Variants in PIKFYVE observed in about 807,000 individuals in gnomAD.
PIKFYVE encodes 1-phosphatidylinositol 3-phosphate 5-kinase.
PIKFYVE carries 122 observed loss-of-function variants against 257.9 expected under a neutral mutation model. The observed-to-expected ratio is 0.47, with a 90% CI of 0.41 to 0.55. The LOEUF (loss-of-function observed/expected upper bound fraction) is 0.55. PIKFYVE is among the 20% of genes least tolerant of loss of function. The pLI is 0.00. For synonymous variants in PIKFYVE, 892 were observed against 868.9 expected (o/e 1.03, Z -0.47); for missense variants, 2,160 against 2,536.6 (o/e 0.85, Z 3.19).
intron 15 of PIKFYVE, among the ~76,000 whole-genome samples, chr2:208,315,938 A>G (rs1695462462): frequency 6.6e-6 from 1 of 150,404 alleles, no homozygotes; most frequent in South Asian, 2.1e-4. Context: ...GGTTAGTTAC[A>G]TATGTATACA....
At chr2:208,283,887 A>G (rs983062734) in intron 5 of PIKFYVE, among the ~76,000 whole-genome samples, 4 of 152,186 alleles carry the variant, frequency 2.6e-5, no homozygotes, top group African/African-American at 9.7e-5. Flanking sequence ...CCTGGCCTAC[A>G]TGCATAATTT....
chr2:208,289,467 C>T (rs1418205757), intron 7 of PIKFYVE, among the ~76,000 whole-genome samples: 1 of 152,006 alleles, frequency 6.6e-6, no homozygotes, highest in Non-Finnish European at 1.5e-5. Flanking sequence ...GTCTCACTCT[C>T]TCGCCAGGCT....
At position 208,352,649 on chromosome 2, in the gene PIKFYVE, A is replaced by G. The variant is rs772809781; in HGVS notation, c.5716-5A>G. ...AAGAATTTATTTTGACCTTCTCTTG[A>G]TTAGAGGCCCACGGCGTTGGCCAAA... On this transcript the variant is annotated splice_region_variant and splice_polypyrimidine_tract_variant and intron_variant, in intron 38 of 41. Transcript: ENST00000264380. The G allele has an allele frequency of 6.2e-7, 1 of 1,613,310 alleles. No individual in the cohort carries two copies. The highest frequency in any genetic ancestry group is 8.5e-7 in the Non-Finnish European group (1 of 1,179,574).
intron 14 of PIKFYVE, among the ~76,000 whole-genome samples, chr2:208,314,636 C>T (rs555736508): frequency 1.1e-4 from 17 of 152,154 alleles, no homozygotes; most frequent in Non-Finnish European, 2.1e-4. Flanking sequence ...CAGTGGCTCA[C>T]GCCTGTAATC....
At chr2:208,340,932 A>G (rs1156558592) in intron 31 of PIKFYVE, among the ~76,000 whole-genome samples, 3 of 152,118 alleles carry the variant, frequency 2.0e-5, no homozygotes, top group African/African-American at 7.2e-5. Flanking sequence ...ACCTGATTAT[A>G]TCAGTTTCTT....
intron 6 of PIKFYVE, among the ~76,000 whole-genome samples, chr2:208,287,489 G>C (rs1691736740): frequency 6.6e-6 from 1 of 151,928 alleles, no homozygotes; most frequent in South Asian, 2.1e-4. Flanking sequence ...GGCCAGGCTG[G>C]TCTTGAACTC....
At chr2:208,312,172 T>G in intron 12 of PIKFYVE, 64 bp from the exon 13 acceptor site, 2 of 1,170,802 alleles carry the variant, frequency 1.7e-6, no homozygotes, top group Non-Finnish European at 2.6e-6. Context: ...ATAATTATGC[T>G]GACATGTTAT....
intron 12 of PIKFYVE, among the ~76,000 whole-genome samples, chr2:208,306,051 T>G (rs1488982204): frequency 6.6e-6 from 1 of 152,246 alleles, no homozygotes; most frequent in African/African-American, 2.4e-5. Context: ...CTAAAATGAT[T>G]TGATACAAGT....
At chr2:208,283,207 A>C (rs1691068218) in intron 5 of PIKFYVE, among the ~76,000 whole-genome samples, 1 of 152,222 alleles carries the variant, frequency 6.6e-6, no homozygotes, top group African/African-American at 2.4e-5. Context: ...TAGTACATGG[A>C]AAGGGATCAA....
intron 1 of PIKFYVE, among the ~76,000 whole-genome samples, chr2:208,266,711 CTGA>C (rs1359340653): frequency 6.6e-6 from 1 of 152,204 alleles, no homozygotes; most frequent in African/African-American, 2.4e-5. Context: ...ACCCTTACGC[CTGA>C]ACTTAATTAG....
rs1222486533 is a variant in PIKFYVE, at chr2:208,325,552, A to T, written c.2741A>T (p.Asp914Val). 6.2e-7 allele frequency: 1 copy of T among 1,614,062 alleles called. No homozygotes were observed. Residue 914 changes from aspartate (D) to valine (V), a missense_variant, in exon 20 of 42, where the codon GAT becomes GTT. Around this residue, in one of 12 missense-constraint regions of PIKFYVE, gnomAD observed 522 missense variants for 514.6 expected, o/e 1.01. Coordinates refer to ENST00000264380, the MANE Select transcript of PIKFYVE (RefSeq NM_015040.4). ...TACGGTGGAGGTTCCATCCCCTGGG[A>T]TCCTGACATCCCTCCTGAGTCTCTG... ...EQYGGGSIPW[D>V]PDIPPESLPC...
chr2:208,333,795 T>A (rs950621545), intron 24 of PIKFYVE, among the ~76,000 whole-genome samples: 4 of 152,156 alleles, frequency 2.6e-5, no homozygotes, highest in Admixed American at 2.0e-4. Flanking sequence ...ACTCTTTTTT[T>A]AAAAAAAGTT....
Position 208,304,913 on chromosome 2 carries a change from C to T in PIKFYVE, c.1536C>T (p.Ala512=), listed in dbSNP as rs761365321. Residue 512 remains alanine (A), a synonymous_variant, in exon 12 of 42, where the codon GCC becomes GCT. Coordinates refer to ENST00000264380, the MANE Select transcript of PIKFYVE (RefSeq NM_015040.4). ...AGTCCACAGTGGACAGTGACTCAGC[C>T]GCTTCTATCAGCCTGAACGTGGAGC... ...SFQSTVDSDS[A]ASISLNVELD... is the part of the protein sequence containing the mutation. 2.3e-5 allele frequency: 37 copies of T among 1,614,016 alleles called. No homozygotes were observed. Among genetic ancestry groups the T allele is most frequent in the African/African-American group, 5.3e-5 (4 of 74,918 alleles).
chr2:208,358,044 A>G lies in PIKFYVE; in HGVS notation c.*2739A>G, dbSNP rs1208320222. 2.0e-5 allele frequency: 3 copies of G among 152,244 alleles called. No homozygotes were observed. Among genetic ancestry groups the G allele is most frequent in the East Asian group, 1.9e-4 (1 of 5,202 alleles). The allele number at this position is 152,244 out of a possible 1,614,324, so 9.4% of individuals were successfully genotyped here. A position where few individuals can be genotyped will look rare whatever the true frequency, so the allele number is the denominator to read the frequency against. On this transcript the variant is annotated 3_prime_UTR_variant, in exon 42 of 42. Transcript: ENST00000264380. The stretch of plus-strand genomic sequence containing the variant: ...TGCAAGCTCTTTTGTAGTCTATTGA[A>G]TATTTTATAGATATTCAAAATTTCC...
At position 208,330,730 on chromosome 2, in the gene PIKFYVE, T is replaced by G. The variant is rs768212355; in HGVS notation, c.3963+36T>G. ...CCTATTACTATATTTTGTTTGCCATTTATTTCTTTATTTGTATGTTTTTTT... is the reference window on the plus strand; with the variant it reads ...CCTATTACTATATTTTGTTTGCCATGTATTTCTTTATTTGTATGTTTTTTT... On this transcript the variant is annotated intron_variant, in intron 23 of 41. Coordinates refer to ENST00000264380, the MANE Select transcript of PIKFYVE (RefSeq NM_015040.4). The G allele has an allele frequency of 1.9e-6, 3 of 1,575,606 alleles. No homozygotes were observed. In the African/African-American group the frequency reaches 4.3e-5, roughly 23 times the overall value.
At position 208,314,397 on chromosome 2, in the gene PIKFYVE, G is replaced by A. The variant is rs766485267; in HGVS notation, c.1800G>A (p.Gly600=). 4.6e-5 allele frequency: 75 copies of A among 1,613,768 alleles called. No individual in the cohort carries two copies. The highest frequency in any genetic ancestry group is 5.6e-5 in the Non-Finnish European group (66 of 1,179,918). The change falls in exon 14 of 42, where the codon GGG becomes GGA. Residue 600 remains glycine (G), a synonymous_variant. Transcript: ENST00000264380. The stretch of plus-strand genomic sequence containing the variant: ...TGGAGCTCCTGAGGGAGGAGAATGG[G>A]GAGAAACAAGCCATGGAGAGGTTGC... ...NNLELLREEN[G]EKQAMERLLS... is the part of the protein sequence containing the mutation.
chr2:208,305,572 CTTATT>C (rs1192206167), intron 12 of PIKFYVE: 1 of 685,300 alleles, frequency 1.5e-6, no homozygotes, highest in Non-Finnish European at 1.8e-6. Flanking sequence ...TTTTAGCTAT[CTTATT>C]TGATGCTTTA....
intron 6 of PIKFYVE, among the ~76,000 whole-genome samples, chr2:208,287,660 G>GC (rs1691760363): frequency 6.6e-6 from 1 of 152,068 alleles, no homozygotes; most frequent in South Asian, 2.1e-4. Context: ...GAGTGCAGTG[G>GC]CGTGATCTTG....
At chr2:208,267,602 G>A (rs1688826320) in intron 1 of PIKFYVE, among the ~76,000 whole-genome samples, 3 of 139,000 alleles carry the variant, frequency 2.2e-5, no homozygotes, top group African/African-American at 8.0e-5. Flanking sequence ...CGCCTCCCAG[G>A]GTTCAGGCGA....
Sources: gnomAD v4.1 joint callset for allele counts (sites outside exome capture counted in the v4.1 genomes callset) on GRCh38, gnomAD v4.1.1 for gene constraint, gnomAD v4.1.1 regional missense constraint, MANE v1.5 for transcripts, NCBI Gene and HGNC (gene_info 2026-07-23, HGNC 2026-07-21) for gene names.